Variants in ANKRD28 observed in about 807,000 individuals in gnomAD.
ANKRD28 encodes ankyrin repeat domain 28.
Under a neutral mutation model 126.5 loss-of-function variants are expected in ANKRD28, and 44 were observed. The ratio of observed to expected loss-of-function variants is 0.35; its 90% confidence interval spans 0.27 to 0.45. The LOEUF is 0.45. Ranked by LOEUF, ANKRD28 falls within the 20% of genes least tolerant of loss-of-function variation. The pLI, the probability that ANKRD28 is intolerant of heterozygous loss-of-function variation, is 1.00. For missense variants in ANKRD28, 1,110 were observed against 1,316.6 expected (o/e 0.84, Z 2.43); for synonymous variants, 442 against 468.5 (o/e 0.94, Z 0.73).
intron 1 of ANKRD28, among the ~76,000 whole-genome samples, chr3:15,852,780 C>T (rs894174244): frequency 1.5e-5 from 2 of 132,218 alleles, no homozygotes; most frequent in Non-Finnish European, 3.1e-5. Flanking sequence ...TTGCAGTGAG[C>T]TGAGATTGTG....
intron 2 of ANKRD28, among the ~76,000 whole-genome samples, chr3:15,768,652 G>A (rs2058857667): frequency 6.6e-6 from 1 of 151,846 alleles, no homozygotes; most frequent in Non-Finnish European, 1.5e-5. Context: ...ATCTTCTCTG[G>A]CGGGGGGCGG....
At chr3:15,718,367 T>C (rs1178797647) in intron 8 of ANKRD28, among the ~76,000 whole-genome samples, 1 of 152,210 alleles carries the variant, frequency 6.6e-6, no homozygotes, top group Non-Finnish European at 1.5e-5. Context: ...TCTTAATGCC[T>C]TTGCTAAAAA....
At chr3:15,840,483 A>G (rs553129708) in intron 1 of ANKRD28, among the ~76,000 whole-genome samples, 1 of 152,326 alleles carries the variant, frequency 6.6e-6, no homozygotes, top group South Asian at 2.1e-4. Context: ...TATAGATTTA[A>G]TGCAATGCCA....
At chr3:15,859,282 C>G in intron 1 of ANKRD28, 1 of 1,485,368 alleles carries the variant, frequency 6.7e-7, no homozygotes, top group Non-Finnish European at 8.9e-7. Flanking sequence ...GCAACCACCC[C>G]GCCGAGCGGG....
chr3:15,735,796 A>AATT (rs1575447166), intron 5 of ANKRD28, among the ~76,000 whole-genome samples: 2 of 152,318 alleles, frequency 1.3e-5, no homozygotes, highest in East Asian at 3.9e-4. Flanking sequence ...AATATTTAAT[A>AATT]AGAGGTTTTG....
intron 24 of ANKRD28, 113 bp downstream of exon 24, chr3:15,678,086 GTAAAAGGTTT>G: frequency 2.0e-6 from 2 of 993,992 alleles, no homozygotes; most frequent in Non-Finnish European, 2.8e-6. Context: ...TTGCAAACAG[GTAAAAGGTTT>G]TAAGTCTTAG....
At chr3:15,736,938 C>A in intron 5 of ANKRD28, 95 bp downstream of exon 5, 1 of 1,240,144 alleles carries the variant, frequency 8.1e-7, no homozygotes, top group South Asian at 1.3e-5. Flanking sequence ...ATAAATAGTT[C>A]TGTATGCCTT....
rs751107637 is a variant in ANKRD28, at chr3:15,814,038, C to A, written c.28-18732G>T. 6.6e-6 allele frequency among the ~76,000 whole-genome samples: 1 copy of A among 152,146 alleles called. No homozygotes were observed. Among genetic ancestry groups the A allele is most frequent in the Admixed American group, 6.5e-5 (1 of 15,276 alleles). On this transcript the variant is annotated intron_variant, in intron 1 of 27. Transcript: ENST00000399451. This position sits in a 1 kb window ranked among gnomAD's most constrained non-coding sequence, Gnocchi z 4.7. Reference sequence around the variant, plus strand: ...CTGAAAATTTACTTGAATTATAAAACGGCTATACTAAGTCTTCCACTAACA... The same window carrying A: ...CTGAAAATTTACTTGAATTATAAAAAGGCTATACTAAGTCTTCCACTAACA...
At chr3:15,831,874 T>TA (rs1172034624) in intron 1 of ANKRD28, among the ~76,000 whole-genome samples, 1 of 152,206 alleles carries the variant, frequency 6.6e-6, no homozygotes, top group Non-Finnish European at 1.5e-5. Context: ...AGGATACATA[T>TA]ATATTTTCTG....
At chr3:15,780,568 A>C (rs1374737404) in intron 2 of ANKRD28, among the ~76,000 whole-genome samples, 6 of 152,162 alleles carry the variant, frequency 3.9e-5, no homozygotes, top group Non-Finnish European at 8.8e-5. Flanking sequence ...TAGAAAAAAC[A>C]ACCCTTAAAT....
chr3:15,683,386 C>G (rs989162768), intron 21 of ANKRD28, among the ~76,000 whole-genome samples: 1 of 152,128 alleles, frequency 6.6e-6, no homozygotes, highest in East Asian at 1.9e-4. Context: ...ACAGTATCTT[C>G]TTTGTTCTAG....
chr3:15,859,798 C>A (rs940477127), upstream of ANKRD28: 1 of 152,014 alleles, frequency 6.6e-6, no homozygotes, highest in Admixed American at 6.6e-5. Flanking sequence ...GCAGCGGCGG[C>A]ATCCAAACTC....
intron 2 of ANKRD28, among the ~76,000 whole-genome samples, chr3:15,780,907 T>G (rs2059507077): frequency 6.6e-6 from 1 of 152,268 alleles, no homozygotes; most frequent in African/African-American, 2.4e-5. Flanking sequence ...TCATACCATA[T>G]ATAAAAATCA....
chr3:15,759,824 T>C (rs764779787), intron 3 of ANKRD28, among the ~76,000 whole-genome samples: 11 of 152,198 alleles, frequency 7.2e-5, no homozygotes, highest in Non-Finnish European at 1.0e-4. Context: ...CATGTTTGCA[T>C]GTGTGTCCCA....
intron 21 of ANKRD28, among the ~76,000 whole-genome samples, chr3:15,682,917 A>G (rs1378389452): frequency 6.6e-6 from 1 of 152,224 alleles, no homozygotes; most frequent in Admixed American, 6.5e-5. Context: ...GCTGAAAATC[A>G]GACACATTTG....
At chr3:15,695,930 G>A (rs968456857) in intron 15 of ANKRD28, among the ~76,000 whole-genome samples, 3 of 152,164 alleles carry the variant, frequency 2.0e-5, no homozygotes, top group African/African-American at 7.2e-5. Flanking sequence ...GCCCTCTTCA[G>A]AGATCTAATT....
At position 15,815,242 on chromosome 3, in the gene ANKRD28, A is replaced by C. The variant is rs1314331441; in HGVS notation, c.28-19936T>G. Reference sequence around the variant, plus strand: ...TTATGGAGCCATAATTCTCAAGTGCAATGACCTAGAAAGAACAAATGTCAG... The same window carrying C: ...TTATGGAGCCATAATTCTCAAGTGCCATGACCTAGAAAGAACAAATGTCAG... On this transcript the variant is annotated intron_variant, in intron 1 of 27. Transcript: ENST00000399451. This position sits in a 1 kb window ranked among gnomAD's most constrained non-coding sequence, Gnocchi z 4.1. Among the ~76,000 whole-genome samples the C allele has an allele frequency of 6.6e-6, 1 of 152,174 alleles. No individual in the cohort carries two copies. Among genetic ancestry groups the C allele is most frequent in the Non-Finnish European group, 1.5e-5 (1 of 68,028 alleles).
chr3:15,739,016 T>C (rs139594732), intron 4 of ANKRD28, among the ~76,000 whole-genome samples: 2,529 of 152,326 alleles, frequency 0.017, 68 homozygotes, highest in African/African-American at 0.057. Context: ...TATGGCTCTG[T>C]TCCGCCCGGC....
At chr3:15,673,518 TAAC>T (rs1350970410) in intron 27 of ANKRD28, among the ~76,000 whole-genome samples, 2 of 152,046 alleles carry the variant, frequency 1.3e-5, no homozygotes, top group Non-Finnish European at 1.5e-5. Flanking sequence ...AAAATCAACA[TAAC>T]AAAAAAGTAC....
Sources: allele counts gnomAD v4.1 joint callset (sites outside exome capture counted in the v4.1 genomes callset), GRCh38; gene constraint gnomAD v4.1.1; non-coding constraint Gnocchi (gnomAD v3.1); transcripts MANE v1.5; gene names NCBI Gene and HGNC (gene_info 2026-07-23, HGNC 2026-07-21).